Variants in CPNE8 observed in about 807,000 individuals in gnomAD.
The protein encoded by CPNE8 is copine-8.
CPNE8 carries 45 observed loss-of-function variants against 81.5 expected under a neutral mutation model. The ratio of observed to expected loss-of-function variants is 0.55; its 90% CI spans 0.44 to 0.71. The LOEUF is 0.71. Ranked by LOEUF, CPNE8 falls within the 30% of genes least tolerant of loss-of-function variation. CPNE8 has a pLI of 0.00. For synonymous variants in CPNE8, 252 were observed against 226.3 expected (o/e 1.11, Z -1.02); for missense variants, 594 against 672.1 (o/e 0.88, Z 1.28).
intron 19 of CPNE8, among the ~76,000 whole-genome samples, chr12:38,668,919 T>C (rs1565560806): frequency 1.3e-5 from 2 of 151,978 alleles, no homozygotes; most frequent in Admixed American, 1.3e-4. Flanking sequence ...CTGGGCATGG[T>C]GGCAGGCACC....
chr12:38,831,862 T>A lies in CPNE8; in HGVS notation c.331-2407A>T, dbSNP rs1293852071. Among the ~76,000 whole-genome samples, 3 of 152,238 alleles carry A rather than the reference T, an allele frequency of 2.0e-5. No homozygotes were observed. In the East Asian group the frequency reaches 5.8e-4, roughly 29 times the overall value. On this transcript the variant is annotated intron_variant, in intron 5 of 19. Transcript: ENST00000331366. ...TTCCAGAATTCTTTTCTAAGGATAG[T>A]TATGCTTATGCGCACCTGCAAATAC...
intron 18 of CPNE8, 130 bp downstream of exon 18, chr12:38,675,587 T>A (rs1300359061): frequency 1.6e-6 from 1 of 630,020 alleles, no homozygotes; most frequent in Non-Finnish European, 2.8e-6. Flanking sequence ...TATGGACACA[T>A]GAACATTATA....
intron 1 of CPNE8, among the ~76,000 whole-genome samples, chr12:38,905,166 G>A (rs1246054445): frequency 6.6e-6 from 1 of 152,184 alleles, no homozygotes; most frequent in Admixed American, 6.5e-5. Flanking sequence ...GCGGCGGCCG[G>A]TGTTCCCACA....
intron 15 of CPNE8, among the ~76,000 whole-genome samples, chr12:38,689,976 A>T (rs966649327): frequency 6.6e-6 from 1 of 152,174 alleles, no homozygotes; most frequent in Non-Finnish European, 1.5e-5. Context: ...CTTTTCTCAT[A>T]GTGTGTCTCA....
At chr12:38,808,284 C>T (rs1942862035) in intron 6 of CPNE8, among the ~76,000 whole-genome samples, 2 of 152,066 alleles carry the variant, frequency 1.3e-5, no homozygotes, top group Non-Finnish European at 2.9e-5. Flanking sequence ...AATCATGCTG[C>T]TATAAAGACA....
chr12:38,652,613 C>A lies in CPNE8; in HGVS notation c.*1269G>T, dbSNP rs984063873. 6.6e-6 allele frequency: 1 copy of A among 152,466 alleles called. No homozygotes were observed. The highest frequency in any genetic ancestry group is 1.5e-5 in the Non-Finnish European group (1 of 67,982). 9.4% of individuals were successfully genotyped at this position (152,466 alleles called of 1,614,324 possible). A position where few individuals can be genotyped will look rare whatever the true frequency, so the allele number is the denominator to read the frequency against. On this transcript the variant is annotated 3_prime_UTR_variant, in exon 20 of 20. Coordinates refer to ENST00000331366, the MANE Select transcript of CPNE8 (RefSeq NM_153634.3). ...TACATTTTTGACACACACACACACA[C>A]AAATAAATACACTTTTCTATTATTT...
chr12:38,762,978 C>T (rs2136855323), intron 8 of CPNE8, among the ~76,000 whole-genome samples: 1 of 152,300 alleles, frequency 6.6e-6, no homozygotes, highest in Admixed American at 6.5e-5. Context: ...CCTGCCTCAG[C>T]TTTCCGAGTA....
chr12:38,690,522 G>A (rs190184747), intron 15 of CPNE8, among the ~76,000 whole-genome samples: 54 of 152,146 alleles, frequency 3.5e-4, no homozygotes, highest in Admixed American at 3.1e-3. Flanking sequence ...AGATTTAAAG[G>A]GGTATGATCT....
At chr12:38,656,802 G>C (rs2136629893) in intron 19 of CPNE8, among the ~76,000 whole-genome samples, 1 of 152,302 alleles carries the variant, frequency 6.6e-6, no homozygotes, top group African/African-American at 2.4e-5. Context: ...TTAGCTTAAA[G>C]GATCCTCCGT....
chr12:38,692,066 C>T (rs1331733091), intron 15 of CPNE8, among the ~76,000 whole-genome samples: 1 of 151,876 alleles, frequency 6.6e-6, no homozygotes, highest in Non-Finnish European at 1.5e-5. Flanking sequence ...CTGAGGCAGG[C>T]GAATTGCTTG....
intron 10 of CPNE8, among the ~76,000 whole-genome samples, chr12:38,738,615 T>C (rs1941008025): frequency 6.6e-6 from 1 of 152,144 alleles, no homozygotes; most frequent in African/African-American, 2.4e-5. Flanking sequence ...CTGTAATCCT[T>C]GACATCGATT....
chr12:38,737,645 C>G (rs1940985711), intron 10 of CPNE8, among the ~76,000 whole-genome samples: 1 of 151,892 alleles, frequency 6.6e-6, no homozygotes, highest in African/African-American at 2.4e-5. Flanking sequence ...TTTGTTTTTT[C>G]TCTGTCAGCC....
rs201930793 is a variant in CPNE8 at position 38,653,857 on chromosome 12, T to C, written c.*25A>G. On this transcript the variant is annotated 3_prime_UTR_variant, in exon 20 of 20. Transcript: ENST00000331366. ...TTAACTCAGCACTTTTGATTTGTAG[T>C]TGACATTAGCATTTCAGAGCACAGT... 6 of 1,603,554 alleles carry C rather than the reference T, an allele frequency of 3.7e-6. No individual in the cohort carries two copies. The highest frequency in any genetic ancestry group is 2.3e-5 in the East Asian group (1 of 44,258).
chr12:38,729,143 C>A (rs1454481618), intron 11 of CPNE8, among the ~76,000 whole-genome samples: 1 of 152,032 alleles, frequency 6.6e-6, no homozygotes, highest in Non-Finnish European at 1.5e-5. Flanking sequence ...TGCCTAAGTA[C>A]AAGGAGAACT....
chr12:38,679,030 T>A lies in CPNE8; in HGVS notation c.1272-1476A>T, dbSNP rs542400493. Among the ~76,000 whole-genome samples the A allele has an allele frequency of 5.3e-5, 8 of 152,034 alleles. No individual in the cohort carries two copies. The East Asian group carries it at 1.5e-3, about 29-fold the overall frequency. The stretch of plus-strand genomic sequence containing the variant: ...TAACAATTTCCCCCAGGATCTCAAT[T>A]TTTAATTTTTAAATATCCATTATTT... On this transcript the variant is annotated intron_variant, in intron 16 of 19. Transcript: ENST00000331366.
intron 6 of CPNE8, among the ~76,000 whole-genome samples, chr12:38,812,846 AC>A (rs1176055684): frequency 6.6e-6 from 1 of 152,172 alleles, no homozygotes; most frequent in Non-Finnish European, 1.5e-5. Context: ...GAAAGTCCTT[AC>A]CGGACACTGT....
At chr12:38,772,807 T>C (rs1941830210) in intron 7 of CPNE8, among the ~76,000 whole-genome samples, 1 of 152,180 alleles carries the variant, frequency 6.6e-6, no homozygotes, top group Non-Finnish European at 1.5e-5. Flanking sequence ...CTTGAAGAGA[T>C]ATCTGAACTC....
intron 10 of CPNE8, among the ~76,000 whole-genome samples, chr12:38,741,512 C>A (rs1177161951): frequency 2.6e-5 from 4 of 152,144 alleles, no homozygotes; most frequent in African/African-American, 7.2e-5. Context: ...CTTCCTTACA[C>A]CTTATACAAA....
intron 6 of CPNE8, among the ~76,000 whole-genome samples, chr12:38,797,090 G>A (rs939451209): frequency 6.6e-6 from 1 of 152,196 alleles, no homozygotes; most frequent in Non-Finnish European, 1.5e-5. Context: ...AGGCCTGCCT[G>A]CCTCTGTAGG....
Sources: gnomAD v4.1 joint callset for allele counts (sites outside exome capture counted in the v4.1 genomes callset) on GRCh38, gnomAD v4.1.1 for gene constraint, MANE v1.5 for transcripts, NCBI Gene and HGNC (gene_info 2026-07-23, HGNC 2026-07-21) for gene names.